Variants in PVT1 observed in about 807,000 individuals in gnomAD.
PVT1 encodes Pvt1 oncogene.
intron 2 of PVT1, among the ~76,000 whole-genome samples, chr8:127,860,168 G>A (rs1815204916): frequency 6.6e-6 from 1 of 152,198 alleles, no homozygotes; most frequent in African/African-American, 2.4e-5. Flanking sequence ...CTCCCAGTGA[G>A]CTCCAGGAGA....
chr8:128,049,947 G>A (rs377048578), intron 4 of PVT1, among the ~76,000 whole-genome samples: 3 of 152,142 alleles, frequency 2.0e-5, no homozygotes, highest in Non-Finnish European at 2.9e-5. Context: ...CTGAGGGACT[G>A]TCTGAGCCCA....
At chr8:127,958,155 A>G (rs950555075) in intron 3 of PVT1, among the ~76,000 whole-genome samples, 3 of 152,196 alleles carry the variant, frequency 2.0e-5, no homozygotes, top group African/African-American at 7.2e-5. Context: ...ATTTAAATGA[A>G]TATATTTATT....
chr8:127,864,851 A>G (rs1343121595), intron 2 of PVT1, among the ~76,000 whole-genome samples: 1 of 152,166 alleles, frequency 6.6e-6, no homozygotes, highest in Non-Finnish European at 1.5e-5. Context: ...CCCAGCCAGG[A>G]TATTTCTAAC....
At chr8:128,090,177 A>G (rs1288625028) in intron 5 of PVT1, among the ~76,000 whole-genome samples, 1 of 152,186 alleles carries the variant, frequency 6.6e-6, no homozygotes, top group African/African-American at 2.4e-5. Context: ...TCCCAGGGCC[A>G]GCAGTTTTCT....
At chr8:127,801,072 TG>T (rs1814459910) in intron 2 of PVT1, among the ~76,000 whole-genome samples, 2 of 151,828 alleles carry the variant, frequency 1.3e-5, no homozygotes, top group Non-Finnish European at 2.9e-5. Context: ...AGTGAGCCTG[TG>T]GGGGTGAGGA....
intron 2 of PVT1, among the ~76,000 whole-genome samples, chr8:127,887,682 C>A (rs560504483): frequency 1.3e-5 from 2 of 152,096 alleles, no homozygotes; most frequent in African/African-American, 2.4e-5. Context: ...CCTGCCACCA[C>A]ACCTGGCTAA....
At position 128,015,646 on chromosome 8, in the gene PVT1, G is replaced by A. The variant is rs148023434; in HGVS notation, n.912+26355G>A. 3.7e-3 allele frequency among the ~76,000 whole-genome samples: 563 copies of A among 151,988 alleles called. 3 individuals carry two copies. Among genetic ancestry groups the A allele is most frequent in the African/African-American group, 0.013 (535 of 41,440 alleles). ...AAATTAACTGGCTGTGGTGGCATGC[G>A]CCTGTAGATTCAGCTATTCGGGAGG... is the stretch of plus-strand genomic sequence containing the variant. On this transcript the variant is annotated intron_variant and non_coding_transcript_variant, in intron 4 of 10. Coordinates refer to ENST00000651587, the Ensembl canonical transcript of PVT1.
chr8:128,000,402 G>A (rs984407714), intron 4 of PVT1, among the ~76,000 whole-genome samples: 2 of 152,220 alleles, frequency 1.3e-5, no homozygotes, highest in African/African-American at 4.8e-5. Context: ...GAGGTAGCAA[G>A]GAACCAGGAG....
chr8:128,087,482 C>T (rs1814273053), intron 5 of PVT1, among the ~76,000 whole-genome samples: 1 of 152,188 alleles, frequency 6.6e-6, no homozygotes, highest in Non-Finnish European at 1.5e-5. Context: ...CTCCCCCAGG[C>T]TGTTATGCGT....
chr8:128,082,033 A>G (rs959030826), intron 5 of PVT1, among the ~76,000 whole-genome samples: 1 of 152,178 alleles, frequency 6.6e-6, no homozygotes, highest in African/African-American at 2.4e-5. Context: ...GACGCCCAAA[A>G]TGGTGTTCTA....
intron 5 of PVT1, among the ~76,000 whole-genome samples, chr8:128,092,608 G>T (rs1814373020): frequency 6.6e-6 from 1 of 152,142 alleles, no homozygotes; most frequent in South Asian, 2.1e-4. Flanking sequence ...ACTCCTCAGT[G>T]GGCAAGATAA....
intron 5 of PVT1, among the ~76,000 whole-genome samples, chr8:128,072,807 CTTTTAT>C (rs1429510096): frequency 6.6e-6 from 1 of 151,860 alleles, no homozygotes; most frequent in Non-Finnish European, 1.5e-5. Context: ...CACTTGAGCA[CTTTTAT>C]TTTATTTTAT....
intron 2 of PVT1, among the ~76,000 whole-genome samples, chr8:127,848,544 G>A (rs1216183439): frequency 3.3e-5 from 5 of 152,146 alleles, no homozygotes; most frequent in Admixed American, 6.5e-5. Context: ...TTAGCCGGGC[G>A]TGGTGGCACA....
At chr8:127,884,116 T>C (rs1815499226) in intron 2 of PVT1, among the ~76,000 whole-genome samples, 1 of 152,212 alleles carries the variant, frequency 6.6e-6, no homozygotes, top group Non-Finnish European at 1.5e-5. Context: ...CCTGGATCAA[T>C]AGAACATTTC....
intron 3 of PVT1, among the ~76,000 whole-genome samples, chr8:127,971,068 G>A (rs1816759837): frequency 6.6e-6 from 1 of 152,226 alleles, no homozygotes; most frequent in African/African-American, 2.4e-5. Context: ...CCTGTGGCCT[G>A]CAAAAAGCCT....
intron 3 of PVT1, among the ~76,000 whole-genome samples, chr8:127,897,014 A>C (rs1815687748): frequency 1.3e-5 from 2 of 152,140 alleles, no homozygotes; most frequent in African/African-American, 4.8e-5. Context: ...GTGGGTATGA[A>C]GATTGCAGCC....
intron 2 of PVT1, among the ~76,000 whole-genome samples, chr8:127,856,348 TA>T (rs1194724603): frequency 1.3e-5 from 2 of 151,850 alleles, no homozygotes; most frequent in African/African-American, 2.4e-5. Flanking sequence ...CATACGTATA[TA>T]TTTTTTTTTC....
At chr8:127,978,571 C>T (rs1031381967) in intron 3 of PVT1, among the ~76,000 whole-genome samples, 18 of 151,940 alleles carry the variant, frequency 1.2e-4, no homozygotes, top group Non-Finnish European at 1.2e-4. Context: ...ACAACTTCTG[C>T]CTCCTGGGTT....
chr8:127,800,288 T>C (rs1814448755), intron 2 of PVT1, among the ~76,000 whole-genome samples: 1 of 152,184 alleles, frequency 6.6e-6, no homozygotes. Context: ...GCTGTATGCC[T>C]GGCACCGTTT....
Sources: allele counts gnomAD v4.1 joint callset (sites outside exome capture counted in the v4.1 genomes callset), GRCh38; gene constraint gnomAD v4.1.1; transcripts MANE v1.5; gene names NCBI Gene and HGNC (gene_info 2026-07-23, HGNC 2026-07-21).